Variants in SIK3 observed in about 807,000 individuals in gnomAD.
The protein encoded by SIK3 is serine/threonine-protein kinase SIK3.
A neutral mutation model predicts 144.2 loss-of-function variants in SIK3; 28 were observed. The observed-to-expected ratio is 0.19, with a 90% CI of 0.14 to 0.27. The LOEUF (loss-of-function observed/expected upper bound fraction) is 0.27, where lower values mean the gene tolerates loss of function less well. SIK3 is among the 10% of genes least tolerant of loss of function. The probability of loss-of-function intolerance (pLI) is 1.00; values close to 1 mark genes in which losing one functional copy is unlikely to be tolerated. For missense variants in SIK3, 1,319 were observed against 1,776.0 expected (o/e 0.74, Z 4.62); for synonymous variants, 686 against 676.3 (o/e 1.01, Z -0.22).
In SIK3 at chr11:116,858,272, C is replaced by G. The variant is rs756706645; in HGVS notation, c.3193G>C (p.Glu1065Gln). The G allele has an allele frequency of 1.9e-6, 3 of 1,613,514 alleles. No homozygotes were observed. The highest frequency in any genetic ancestry group is 2.2e-5 in the South Asian group (2 of 91,032). The change falls in exon 21 of 25, where the codon GAA becomes CAA. Residue 1065 changes from glutamate to glutamine, a missense_variant. By Grantham distance (29) the Glu-to-Gln change is conservative. This residue lies in a region of SIK3 where 646 missense variants were observed against 763.7 expected (regional missense o/e 0.85). Transcript: ENST00000445177. The surrounding 1 kb of genome is among the most constrained non-coding windows in gnomAD (Gnocchi z 5.4). ...QQQQQQQEYQ[E>Q]LFRHMNQGDA... ...CCTTGGTTCATGTGCCTGAACAGTT[C>G]CTGGTATTCTTGCTGTTGCTGCTGT... is the stretch of plus-strand genomic sequence containing the variant.
intron 14 of SIK3, chr11:116,868,808 A>G (rs999932893): frequency 2.0e-5 from 3 of 152,342 alleles, no homozygotes; most frequent in Admixed American, 2.0e-4. Flanking sequence ...TCCCAAACTG[A>G]TGGCTTTTAT....
chr11:116,950,234 G>A (rs1348205051), intron 3 of SIK3: 1 of 453,912 alleles, frequency 2.2e-6, no homozygotes, highest in Non-Finnish European at 4.6e-6. Context: ...GGCAGAATGA[G>A]AATTGCTGAT....
chr11:116,965,750 T>TCTA (rs1555113339), intron 1 of SIK3, among the ~76,000 whole-genome samples: 57 of 18,818 alleles, frequency 3.0e-3, no homozygotes, highest in African/African-American at 4.9e-3. Flanking sequence ...TATATATATA[T>TCTA]ATATATATAT....
Position 117,098,202 on chromosome 11 carries a change from T to C in SIK3, c.214A>G (p.Ile72Val). Residue 72 changes from isoleucine to valine, a missense_variant, in exon 1 of 25, where the codon ATC becomes GTC. This residue lies in a region of SIK3 where 114 missense variants were observed against 116.2 expected (regional missense o/e 0.98). Coordinates refer to ENST00000445177, the MANE Select transcript of SIK3 (RefSeq NM_001366686.3). ...ACCACCGCGAAGTTGCCCTTGCCGA[T>C]GGTGCGGTCGATCTCGTAGTAGCCG... ...RIGYYEIDRTIGKGNFAVVKR... is the reference protein window; with the variant it reads ...RIGYYEIDRTVGKGNFAVVKR... The C allele has an allele frequency of 6.6e-7, 1 of 1,519,994 alleles. No individual in the cohort carries two copies. The highest frequency in any genetic ancestry group is 8.8e-7 in the Non-Finnish European group (1 of 1,134,322). 94.2% of individuals were successfully genotyped at this position (1,519,994 alleles called of 1,614,324 possible). A position where few individuals can be genotyped will look rare whatever the true frequency, so the allele number is the denominator to read the frequency against.
chr11:117,079,296 A>G (rs1410553847), intron 1 of SIK3, among the ~76,000 whole-genome samples: 1 of 152,220 alleles, frequency 6.6e-6, no homozygotes, highest in African/African-American at 2.4e-5. Context: ...AATGTACCTA[A>G]GTATCTATTG....
At chr11:117,088,591 T>G (rs79735555) in intron 1 of SIK3, among the ~76,000 whole-genome samples, 29 of 152,322 alleles carry the variant, frequency 1.9e-4, no homozygotes, top group South Asian at 1.2e-3. Flanking sequence ...AATAACAGAT[T>G]AAAATTCCGG....
At chr11:116,951,944 A>G (rs577264920) in intron 3 of SIK3, among the ~76,000 whole-genome samples, 76 of 16,772 alleles carry the variant, frequency 4.5e-3, no homozygotes, top group Admixed American at 0.01. Flanking sequence ...AAAAAAGAAT[A>G]AATAAATAAA....
At chr11:116,942,210 C>T (rs1948345035) in intron 3 of SIK3, among the ~76,000 whole-genome samples, 1 of 152,116 alleles carries the variant, frequency 6.6e-6, no homozygotes, top group African/African-American at 2.4e-5. Flanking sequence ...CATTATGACA[C>T]AATGAAATAC....
chr11:116,893,244 A>G (rs575959694), intron 6 of SIK3, among the ~76,000 whole-genome samples: 104 of 152,340 alleles, frequency 6.8e-4, no homozygotes, highest in African/African-American at 2.5e-3. Context: ...CATTGATTGT[A>G]ACAAACATAC....
chr11:117,045,819 C>T (rs1313262911), intron 1 of SIK3, among the ~76,000 whole-genome samples: 1 of 152,206 alleles, frequency 6.6e-6, no homozygotes, highest in Non-Finnish European at 1.5e-5. Flanking sequence ...AAATCTGCTG[C>T]ACCTATCCCT....
intron 1 of SIK3, chr11:117,036,018 G>A (rs1952484885): frequency 1.4e-6 from 2 of 1,478,064 alleles, no homozygotes; most frequent in Non-Finnish European, 1.9e-6. Flanking sequence ...TCCTTTTCTG[G>A]AGAGGGATGA....
chr11:116,944,526 G>A (rs986587707), intron 3 of SIK3, among the ~76,000 whole-genome samples: 3 of 152,124 alleles, frequency 2.0e-5, no homozygotes, highest in African/African-American at 7.2e-5. Flanking sequence ...CAGAGGCTGG[G>A]CTGAGCTTCC....
At chr11:116,929,549 T>C (rs1415216659) in intron 3 of SIK3, among the ~76,000 whole-genome samples, 1 of 152,240 alleles carries the variant, frequency 6.6e-6, no homozygotes, top group Non-Finnish European at 1.5e-5. Context: ...TCAAAACTGT[T>C]ATACGGGCCA....
chr11:117,045,655 T>C (rs2135880809), intron 1 of SIK3, among the ~76,000 whole-genome samples: 1 of 152,360 alleles, frequency 6.6e-6, no homozygotes, highest in East Asian at 1.9e-4. Context: ...AAATTCTCTT[T>C]TTAAATAAAA....
intron 1 of SIK3, among the ~76,000 whole-genome samples, chr11:117,083,591 C>T (rs1351075963): frequency 1.3e-5 from 2 of 151,926 alleles, no homozygotes; most frequent in African/African-American, 2.4e-5. Context: ...AAATGAAGTA[C>T]CAAAAAAATT....
At chr11:116,942,816 A>G (rs1268031336) in intron 3 of SIK3, among the ~76,000 whole-genome samples, 1 of 152,218 alleles carries the variant, frequency 6.6e-6, no homozygotes, top group African/African-American at 2.4e-5. Flanking sequence ...ATATAATCTT[A>G]TAGGCTATAG....
intron 1 of SIK3, among the ~76,000 whole-genome samples, chr11:116,987,772 A>G (rs1336324335): frequency 6.6e-6 from 1 of 152,142 alleles, no homozygotes; most frequent in African/African-American, 2.4e-5. Flanking sequence ...AAGAAACTAT[A>G]CTTTTGACTG....
At chr11:117,095,417 TGGG>T (rs1955432126) in intron 1 of SIK3, among the ~76,000 whole-genome samples, 1 of 151,818 alleles carries the variant, frequency 6.6e-6, no homozygotes, top group African/African-American at 2.4e-5. Flanking sequence ...TGGAGACAGA[TGGG>T]GGAAAAAAAT....
chr11:116,918,196 C>T (rs1946771202), intron 4 of SIK3, among the ~76,000 whole-genome samples: 1 of 152,208 alleles, frequency 6.6e-6, no homozygotes, highest in Non-Finnish European at 1.5e-5. Context: ...ACTTCACATA[C>T]TTATTGATCC....
Sources: gnomAD v4.1 joint callset for allele counts (sites outside exome capture counted in the v4.1 genomes callset) on GRCh38, gnomAD v4.1.1 for gene constraint, gnomAD v4.1.1 regional missense constraint, Gnocchi (gnomAD v3.1) non-coding constraint, MANE v1.5 for transcripts, NCBI Gene and HGNC (gene_info 2026-07-23, HGNC 2026-07-21) for gene names.